SMOX: variants seen among roughly 807,000 people sequenced by gnomAD.
SMOX encodes flavin containing amine oxidase.
Under a neutral mutation model 51.0 loss-of-function variants are expected in SMOX, and 22 were observed. That is an observed-to-expected ratio of 0.43 (90% CI 0.31 to 0.62). The LOEUF (loss-of-function observed/expected upper bound fraction) is 0.62, where lower values mean the gene tolerates loss of function less well. Among genes scored for constraint, SMOX ranks in the 20% least tolerant of loss-of-function variants. The probability of loss-of-function intolerance (pLI) is 0.10; values close to 1 mark genes in which losing one functional copy is unlikely to be tolerated. For missense variants in SMOX, 566 were observed against 777.7 expected (o/e 0.73, Z 3.24); for synonymous variants, 282 against 307.8 (o/e 0.92, Z 0.88).
At chr20:4,151,753 A>G (rs1310612833) in intron 1 of SMOX, among the ~76,000 whole-genome samples, 3 of 152,010 alleles carry the variant, frequency 2.0e-5, no homozygotes, top group East Asian at 1.9e-4. Flanking sequence ...CTTATTTTCT[A>G]TATTATATTT....
chr20:4,184,576 A>G (rs1184175162), intron 6 of SMOX, among the ~76,000 whole-genome samples: 1 of 137,170 alleles, frequency 7.3e-6, no homozygotes, highest in Non-Finnish European at 1.6e-5. Flanking sequence ...GTAGACACAC[A>G]CAGTAAATGT....
At chr20:4,159,470 A>G (rs959804601) in intron 1 of SMOX, among the ~76,000 whole-genome samples, 3 of 152,140 alleles carry the variant, frequency 2.0e-5, no homozygotes, top group African/African-American at 7.2e-5. Context: ...TACTAAGTAA[A>G]ATTTAGAGGC....
chr20:4,169,460 A>G (rs1486176660), intron 1 of SMOX, among the ~76,000 whole-genome samples: 1 of 152,128 alleles, frequency 6.6e-6, no homozygotes, highest in African/African-American at 2.4e-5. Context: ...GTGGGCTTCA[A>G]TGTTAAAGAA....
chr20:4,168,721 T>C (rs1307753680), intron 1 of SMOX, among the ~76,000 whole-genome samples: 1 of 151,928 alleles, frequency 6.6e-6, no homozygotes, highest in African/African-American at 2.4e-5. Context: ...CACGCTTGGC[T>C]AATTTTTGTA....
chr20:4,181,907 C>T lies in SMOX; in HGVS notation c.540C>T (p.Ile180=), dbSNP rs900215505. The change falls in exon 4 of 7, where the codon ATC becomes ATT. Residue 180 remains isoleucine (I), a synonymous_variant. Transcript: ENST00000305958. The surrounding 1 kb of genome is among the most constrained non-coding windows in gnomAD (Gnocchi z 5.6). ...CCCGAGAGGAGGTGCGTAACCGCAT[C>T]AGGAATGACCCTGACGACCCAGAGG... is the stretch of plus-strand genomic sequence containing the variant. ...VFTREEVRNR[I]RNDPDDPEAT... 2 of 1,614,142 alleles carry T rather than the reference C, an allele frequency of 1.2e-6. No homozygotes were observed. The highest frequency in any genetic ancestry group is 1.3e-5 in the African/African-American group (1 of 75,032).
intron 1 of SMOX, among the ~76,000 whole-genome samples, chr20:4,164,170 C>T (rs541264980): frequency 1.3e-5 from 2 of 152,268 alleles, no homozygotes; most frequent in Non-Finnish European, 1.5e-5. Context: ...GGTAGGGTGG[C>T]TCTCTCTGAG....
chr20:4,187,316 A>G lies in SMOX; in HGVS notation c.1577A>G (p.Tyr526Cys). ...GGTGAGGCCACCCACCGCAAGTACT[A>G]TTCCACCACCCACGGTGCTCTGCTG... is the stretch of plus-strand genomic sequence containing the variant. ...FSGEATHRKY[Y>C]STTHGALLSG... The change falls in exon 7 of 7, where the codon TAT becomes TGT. Residue 526 changes from tyrosine (Y) to cysteine (C), a missense_variant. Transcript: ENST00000305958. The surrounding 1 kb of genome is among the most constrained non-coding windows in gnomAD (Gnocchi z 4.8). 1.2e-6 allele frequency: 2 copies of G among 1,614,084 alleles called. No homozygotes were observed. The highest frequency in any genetic ancestry group is 8.5e-7 in the Non-Finnish European group (1 of 1,179,996).
In SMOX at chr20:4,187,252, C is replaced by T. The variant is rs374686696; in HGVS notation, c.1531-18C>T. On this transcript the variant is annotated intron_variant, in intron 6 of 6. Transcript: ENST00000305958. The surrounding 1 kb of genome is among the most constrained non-coding windows in gnomAD (Gnocchi z 4.8). Reference sequence around the variant, plus strand: ...TTTGCTGCTCCTCCACCCTGACCTCCCCATCCCCGCCCCGCAGCCCATGCA... The same window carrying T: ...TTTGCTGCTCCTCCACCCTGACCTCTCCATCCCCGCCCCGCAGCCCATGCA... 1 of 1,606,438 alleles carries T rather than the reference C, an allele frequency of 6.2e-7. No homozygotes were observed. Among genetic ancestry groups the T allele is most frequent in the East Asian group, 2.2e-5 (1 of 44,756 alleles).
At position 4,182,409 on chromosome 20, in the gene SMOX, G is replaced by A; in HGVS notation, c.930G>A (p.Gln310=). The A allele has an allele frequency of 1.9e-6, 3 of 1,602,328 alleles. No homozygotes were observed. The highest frequency in any genetic ancestry group is 1.7e-5 in the Admixed American group (1 of 59,348). ...GGGGCAGGTGGGATGAGGATGAGCA[G>A]TGGTCGGTGGTGGTGGAGTGCGAGG... ...PRGGRWDEDE[Q]WSVVVECEDC... is the part of the protein sequence containing the mutation. Residue 310 remains glutamine (Q), a synonymous_variant, in exon 5 of 7, where the codon CAG becomes CAA. Transcript: ENST00000305958. This position sits in a 1 kb window ranked among gnomAD's most constrained non-coding sequence, Gnocchi z 8.4.
rs768826641 is a variant in SMOX at position 4,183,766 on chromosome 20, G to A, written c.1530+112G>A. The A allele has an allele frequency of 2.8e-5, 36 of 1,269,416 alleles. No homozygotes were observed. The highest frequency in any genetic ancestry group is 3.7e-5 in the Non-Finnish European group (36 of 963,026). The allele number at this position is 1,269,416 out of a possible 1,614,324, so 78.6% of individuals were successfully genotyped here. ...GTTCACTAAGGGGTGCTCAGGTGAG[G>A]CAGGGATGGAGTAGCTTCTGTAATG... On this transcript the variant is annotated intron_variant, in intron 6 of 6. Coordinates refer to ENST00000305958, the MANE Select transcript of SMOX (RefSeq NM_175839.3). The surrounding 1 kb of genome is among the most constrained non-coding windows in gnomAD (Gnocchi z 4.3).
chr20:4,177,279 G>A lies in SMOX; in HGVS notation c.209-72G>A. 7.6e-7 allele frequency: 1 copy of A among 1,314,010 alleles called. No individual in the cohort carries two copies. Among genetic ancestry groups the A allele is most frequent in the South Asian group, 1.3e-5 (1 of 76,290 alleles). 81.4% of individuals were successfully genotyped at this position (1,314,010 alleles called of 1,614,324 possible). A position where few individuals can be genotyped will look rare whatever the true frequency, so the allele number is the denominator to read the frequency against. ...GGTGGAAAGACCCTCTTGGAGGAAG[G>A]AGGGGGAAGCAGTGCTGGCCCTCTC... On this transcript the variant is annotated intron_variant, in intron 2 of 6. Coordinates refer to ENST00000305958, the MANE Select transcript of SMOX (RefSeq NM_175839.3). The surrounding 1 kb of genome is among the most constrained non-coding windows in gnomAD (Gnocchi z 4.3).
rs761485464 is a variant in SMOX, at chr20:4,181,961, C to T, written c.594C>T (p.Ile198=). The T allele has an allele frequency of 6.2e-7, 1 of 1,614,070 alleles. No individual in the cohort carries two copies. Among genetic ancestry groups the T allele is most frequent in the South Asian group, 1.1e-5 (1 of 91,062 alleles). The part of the protein sequence containing the change: ...EATKRLKLAM[I]QQYLKVESCE... Reference sequence around the variant, plus strand: ...CCAAGCGCCTGAAGCTCGCCATGATCCAGCAGTACCTGAAGGTATCTTGAG... The same window carrying T: ...CCAAGCGCCTGAAGCTCGCCATGATTCAGCAGTACCTGAAGGTATCTTGAG... The change falls in exon 4 of 7, where the codon ATC becomes ATT. Residue 198 remains isoleucine (I), a synonymous_variant. Coordinates refer to ENST00000305958, the MANE Select transcript of SMOX (RefSeq NM_175839.3). The surrounding 1 kb of genome is among the most constrained non-coding windows in gnomAD (Gnocchi z 5.6).
chr20:4,155,629 T>C (rs1228871726), intron 1 of SMOX, among the ~76,000 whole-genome samples: 1 of 152,110 alleles, frequency 6.6e-6, no homozygotes, highest in Non-Finnish European at 1.5e-5. Flanking sequence ...TTAAAGTTAA[T>C]ATTAAAACTC....
chr20:4,171,899 A>C (rs6139348), intron 1 of SMOX: 12,240 of 152,350 alleles, frequency 0.08, 814 homozygotes, highest in East Asian at 0.21. Flanking sequence ...ACGGTCACAA[A>C]GGAGCGGTGA....
chr20:4,185,103 C>T (rs924991600), intron 6 of SMOX, among the ~76,000 whole-genome samples: 5 of 152,220 alleles, frequency 3.3e-5, no homozygotes, highest in Admixed American at 1.3e-4. Context: ...CACATGACTG[C>T]ACCTAGCTGC....
At position 4,187,200 on chromosome 20, in the gene SMOX, G is replaced by A; in HGVS notation, c.1531-70G>A. On this transcript the variant is annotated intron_variant, in intron 6 of 6. Transcript: ENST00000305958. The surrounding 1 kb of genome is among the most constrained non-coding windows in gnomAD (Gnocchi z 4.8). ...CATTGGGATGGGAGGTTCTGGTGGA[G>A]AGGGGTGGCCTTGTGGCCTTCTGGC... 6.5e-7 allele frequency: 1 copy of A among 1,530,600 alleles called. No individual in the cohort carries two copies. The highest frequency in any genetic ancestry group is 2.0e-5 in the Admixed American group (1 of 50,214). The allele number at this position is 1,530,600 out of a possible 1,614,324, so 94.8% of individuals were successfully genotyped here.
chr20:4,177,463 C>T lies in SMOX; in HGVS notation c.321C>T (p.Arg107=). The part of the protein sequence containing the change: ...GLLEETTDGE[R]SVGRISLYSK... ...TGGAAGAGACAACCGATGGGGAACG[C>T]AGCGTGGGCCGCATCAGCCTCTATT... The change falls in exon 3 of 7, where the codon CGC becomes CGT. Residue 107 remains arginine, a synonymous_variant. Transcript: ENST00000305958. This position sits in a 1 kb window ranked among gnomAD's most constrained non-coding sequence, Gnocchi z 4.3. 1 of 1,574,848 alleles carries T rather than the reference C, an allele frequency of 6.3e-7. No homozygotes were observed. Among genetic ancestry groups the T allele is most frequent in the Non-Finnish European group, 8.6e-7 (1 of 1,158,704 alleles).
At chr20:4,162,663 A>G (rs2122436538) in intron 1 of SMOX, among the ~76,000 whole-genome samples, 1 of 152,302 alleles carries the variant, frequency 6.6e-6, no homozygotes, top group Non-Finnish European at 1.5e-5. Flanking sequence ...GCAAGGGTGC[A>G]TCTTGGGGGA....
At chr20:4,160,330 G>A (rs1246041760) in intron 1 of SMOX, among the ~76,000 whole-genome samples, 1 of 152,092 alleles carries the variant, frequency 6.6e-6, no homozygotes, top group African/African-American at 2.4e-5. Flanking sequence ...CAGTATGTGG[G>A]GAGGAGTAAG....
Sources: allele counts gnomAD v4.1 joint callset (sites outside exome capture counted in the v4.1 genomes callset), GRCh38; gene constraint gnomAD v4.1.1; non-coding constraint Gnocchi (gnomAD v3.1); transcripts MANE v1.5; gene names NCBI Gene and HGNC (gene_info 2026-07-23, HGNC 2026-07-21).